The following CCDC136 variants were observed in gnomAD, a reference collection of about 807,000 sequenced individuals.
CCDC136 encodes coiled-coil domain containing 136.
Under a neutral mutation model 141.2 loss-of-function variants are expected in CCDC136, and 100 were observed. That is an observed-to-expected ratio of 0.71 (90% CI 0.60 to 0.84). CCDC136 has a LOEUF of 0.84. CCDC136 is among the 40% of genes least tolerant of loss of function. The pLI is 0.00. For synonymous variants in CCDC136, 474 were observed against 531.9 expected (o/e 0.89, Z 1.50); for missense variants, 1,206 against 1,379.4 (o/e 0.87, Z 1.99).
At chr7:128,791,880 G>T, upstream of CCDC136, 1 of 436,614 alleles carries the variant, frequency 2.3e-6, no homozygotes, top group Non-Finnish European at 3.6e-6. The surrounding 1 kb of genome is among the most constrained non-coding windows in gnomAD (Gnocchi z 7.1). Flanking sequence ...AGGGTGGGGT[G>T]GGCAAGGTCC....
upstream of CCDC136, chr7:128,791,390 C>CCT (rs2128889616): frequency 1.3e-6 from 1 of 787,754 alleles, no homozygotes; most frequent in African/African-American, 1.8e-5. This position sits in a 1 kb window ranked among gnomAD's most constrained non-coding sequence, Gnocchi z 7.1. Flanking sequence ...CAGGCCCCGC[C>CCT]CCCTCGTCCG....
Position 128,806,406 on chromosome 7 carries a change from C to T in CCDC136, c.1248+11C>T. 2 of 1,593,854 alleles carry T rather than the reference C, an allele frequency of 1.3e-6. No individual in the cohort carries two copies. Among genetic ancestry groups the T allele is most frequent in the Non-Finnish European group, 1.7e-6 (2 of 1,167,156 alleles). On this transcript the variant is annotated intron_variant, in intron 8 of 17. Coordinates refer to ENST00000297788, the MANE Select transcript of CCDC136 (RefSeq NM_022742.5). ...AACCAGAGTGAGAAGGTAACAGCAA[C>T]CAGAGGTGAGGGGACAACTTAGGTG...
At chr7:128,820,486 G>A (rs773987123) in intron 17 of CCDC136, among the ~76,000 whole-genome samples, 2 of 152,178 alleles carry the variant, frequency 1.3e-5, no homozygotes, top group African/African-American at 2.4e-5. Context: ...CACATTTAAG[G>A]ATTTCAGCTC....
chr7:128,806,910 A>AG, intron 9 of CCDC136, 52 bp downstream of exon 9: 1 of 1,538,138 alleles, frequency 6.5e-7, no homozygotes, highest in South Asian at 1.3e-5. Flanking sequence ...ATCTTGTGTG[A>AG]GGGTGAGAGC....
At position 128,817,734 on chromosome 7, in the gene CCDC136, C is replaced by G; in HGVS notation, c.3364-24C>G. The G allele has an allele frequency of 6.5e-7, 1 of 1,527,086 alleles. No individual in the cohort carries two copies. Among genetic ancestry groups the G allele is most frequent in the East Asian group, 2.3e-5 (1 of 44,414 alleles). 94.6% of individuals were successfully genotyped at this position (1,527,086 alleles called of 1,614,324 possible). A position where few individuals can be genotyped will look rare whatever the true frequency, so the allele number is the denominator to read the frequency against. On this transcript the variant is annotated intron_variant, in intron 16 of 17. Transcript: ENST00000297788. This position sits in a 1 kb window ranked among gnomAD's most constrained non-coding sequence, Gnocchi z 4.6. Reference sequence around the variant, plus strand: ...CATCTCCTGGTCTCTCCTCGTGCTTCTTTCTCATTTTGGTGTGTTGCAGTC... The same window carrying G: ...CATCTCCTGGTCTCTCCTCGTGCTTGTTTCTCATTTTGGTGTGTTGCAGTC...
chr7:128,802,067 A>G (rs141391481), intron 4 of CCDC136, among the ~76,000 whole-genome samples: 1,907 of 152,296 alleles, frequency 0.013, 36 homozygotes, highest in African/African-American at 0.042. Flanking sequence ...CCCTGCTTCC[A>G]GGTGCAGGGA....
At chr7:128,797,031 G>A (rs1054581216) in intron 3 of CCDC136, among the ~76,000 whole-genome samples, 5 of 152,070 alleles carry the variant, frequency 3.3e-5, no homozygotes, top group East Asian at 1.9e-4. Context: ...GTGAGCCACC[G>A]CGCCCGGCCC....
intron 4 of CCDC136, 68 bp from the exon 5 acceptor site, chr7:128,804,582 A>G (rs2128908422): frequency 1.1e-6 from 1 of 918,710 alleles, no homozygotes; most frequent in African/African-American, 1.6e-5. Context: ...AAGACAGGAA[A>G]ACTGGGGGCT....
At chr7:128,798,118 T>C (rs113392740) in intron 3 of CCDC136, among the ~76,000 whole-genome samples, 23,073 of 148,426 alleles carry the variant, frequency 0.16, 2,220 homozygotes, top group Non-Finnish European at 0.2. Context: ...GGGGTTTCAC[T>C]GTGTTAGCCA....
upstream of CCDC136, chr7:128,791,606 C>A: frequency 9.0e-7 from 1 of 1,116,906 alleles, no homozygotes; most frequent in Non-Finnish European, 1.1e-6. The surrounding 1 kb of genome is among the most constrained non-coding windows in gnomAD (Gnocchi z 7.1). Flanking sequence ...CTCCTCCATC[C>A]CTCCTCCTTC....
Position 128,807,378 on chromosome 7 carries a change from CAGCT to C in CCDC136, c.1439_1442del (p.Gln480LeufsTer4). ...TGCCCAGGACACAGAGACGCACGCT[CAGCT>C]TCAGGAGATGAAGCAGCTGTACCAG... On this transcript the variant is annotated frameshift_variant, in exon 10 of 18. Coordinates refer to ENST00000297788, the MANE Select transcript of CCDC136 (RefSeq NM_022742.5). LOFTEE classifies it high-confidence loss of function. The C allele has an allele frequency of 6.4e-7, 1 of 1,551,488 alleles. No homozygotes were observed. Among genetic ancestry groups the C allele is most frequent in the Non-Finnish European group, 8.7e-7 (1 of 1,148,762 alleles).
At chr7:128,795,288 T>G (rs568373001) in intron 3 of CCDC136, among the ~76,000 whole-genome samples, 2 of 151,866 alleles carry the variant, frequency 1.3e-5, no homozygotes, top group South Asian at 2.1e-4. Flanking sequence ...GGGCCCCAAA[T>G]CCCTTTTTGC....
chr7:128,795,140 C>T (rs189554425), intron 3 of CCDC136, among the ~76,000 whole-genome samples: 53 of 152,208 alleles, frequency 3.5e-4, no homozygotes, highest in African/African-American at 8.9e-4. Context: ...AATTCCAAGC[C>T]GGATTCCTTT....
intron 10 of CCDC136, chr7:128,808,732 C>CT: frequency 1.0e-6 from 1 of 985,410 alleles, no homozygotes; most frequent in South Asian, 4.7e-5. Flanking sequence ...ACGTTTCCTC[C>CT]TTTTTCCACT....
intron 3 of CCDC136, among the ~76,000 whole-genome samples, chr7:128,796,740 T>TATATATATATATATATATATATA (rs61079649): frequency 5.9e-4 from 73 of 124,638 alleles, no homozygotes; most frequent in Non-Finnish European, 8.3e-4. Flanking sequence ...TATATATATA[T>TATATATATATATATATATATATA]TCTTTTTTTT....
chr7:128,799,037 A>C (rs902157961), intron 3 of CCDC136, among the ~76,000 whole-genome samples: 1 of 151,760 alleles, frequency 6.6e-6, no homozygotes, highest in South Asian at 2.1e-4. Flanking sequence ...TCTAATTTTT[A>C]AAAAATATCC....
rs1385089361 is a variant in CCDC136, at chr7:128,810,140, G to C, written c.1802G>C (p.Ser601Thr). The C allele has an allele frequency of 2.5e-6, 4 of 1,578,412 alleles. No homozygotes were observed. The South Asian group carries it at 3.5e-5, about 14-fold the overall frequency. ...PLPKSGLLLK[S>T]QELLTKLEDL... ...CTCCTTCCTTCTACTCCGCCTCAGA[G>C]TCAGGAGCTACTCACCAAGTTAGAA... is the stretch of plus-strand genomic sequence containing the variant. Residue 601 changes from serine to threonine, a missense_variant and splice_region_variant, in exon 12 of 18, where the codon AGT becomes ACT. By Grantham distance (58) the Ser-to-Thr change is moderately conservative. Coordinates refer to ENST00000297788, the MANE Select transcript of CCDC136 (RefSeq NM_022742.5).
chr7:128,813,649 G>T (rs1806115429), intron 14 of CCDC136, among the ~76,000 whole-genome samples: 1 of 152,152 alleles, frequency 6.6e-6, no homozygotes, highest in African/African-American at 2.4e-5. Context: ...AATTGTTCCT[G>T]TTAGAGAGAT....
Position 128,801,265 on chromosome 7 carries a change from A to ATT in CCDC136, c.427_428dup (p.Leu143PhefsTer27). 6.2e-7 allele frequency: 1 copy of ATT among 1,613,968 alleles called. No homozygotes were observed. The highest frequency in any genetic ancestry group is 1.1e-5 in the South Asian group (1 of 91,078). ...GCGAACTTAAGGAAATAGAACAGGA[A>ATT]TTGCATTTGGCCCAGGCTGAGATCC... is the stretch of plus-strand genomic sequence containing the variant. On this transcript the variant is annotated frameshift_variant, in exon 4 of 18. Transcript: ENST00000297788. LOFTEE classifies it high-confidence loss of function.
Sources: gnomAD v4.1 joint callset for allele counts (sites outside exome capture counted in the v4.1 genomes callset) on GRCh38, gnomAD v4.1.1 for gene constraint, Gnocchi (gnomAD v3.1) non-coding constraint, MANE v1.5 for transcripts, NCBI Gene and HGNC (gene_info 2026-07-23, HGNC 2026-07-21) for gene names.